Variants in PALM2AKAP2 observed in about 807,000 individuals in gnomAD.
PALM2AKAP2 encodes the protein PALM2 and AKAP2 fusion, also known as PALM2-AKAP2 fusion protein.
Under a neutral mutation model 71.5 loss-of-function variants are expected in PALM2AKAP2, and 37 were observed. That is an observed-to-expected ratio of 0.52 (90% CI 0.40 to 0.68). The LOEUF (loss-of-function observed/expected upper bound fraction) is 0.68, where lower values mean the gene tolerates loss of function less well. PALM2AKAP2 is among the 30% of genes least tolerant of loss of function. The pLI, the probability that PALM2AKAP2 is intolerant of heterozygous loss-of-function variation, is 0.00. For missense variants in PALM2AKAP2, 1,224 were observed against 1,191.8 expected (o/e 1.03, Z -0.40); for synonymous variants, 468 against 478.8 (o/e 0.98, Z 0.29).
chr9:109,677,272 C>A (rs568270095), intron 1 of PALM2AKAP2, among the ~76,000 whole-genome samples: 68 of 152,208 alleles, frequency 4.5e-4, no homozygotes, highest in African/African-American at 1.5e-3. Context: ...TTCACAGGAC[C>A]CAACTTAGAG....
intron 1 of PALM2AKAP2, among the ~76,000 whole-genome samples, chr9:110,116,193 A>C (rs550834910): frequency 6.6e-6 from 1 of 152,348 alleles, no homozygotes; most frequent in Non-Finnish European, 1.5e-5. Context: ...GTGCAGAGTT[A>C]CATTCTGTTC....
intron 6 of PALM2AKAP2, among the ~76,000 whole-genome samples, chr9:109,966,620 C>T (rs1215270853): frequency 6.6e-6 from 1 of 152,214 alleles, no homozygotes; most frequent in Non-Finnish European, 1.5e-5. Flanking sequence ...AGAATATATG[C>T]TTGCTATTTT....
At chr9:110,129,764 A>G (rs1835693742) in intron 1 of PALM2AKAP2, among the ~76,000 whole-genome samples, 1 of 152,054 alleles carries the variant, frequency 6.6e-6, no homozygotes, top group African/African-American at 2.4e-5. Flanking sequence ...TTCTGTTTTA[A>G]CCAATGTGTG....
intron 1 of PALM2AKAP2, among the ~76,000 whole-genome samples, chr9:109,859,751 T>C (rs117745597): frequency 0.013 from 1,973 of 152,316 alleles, 27 homozygotes; most frequent in Middle Eastern, 0.048. Context: ...CTTCACCTGG[T>C]GATGTTGCGG....
chr9:109,908,511 C>T, intron 3 of PALM2AKAP2, among the ~76,000 whole-genome samples: 1 of 152,224 alleles, frequency 6.6e-6, no homozygotes, highest in East Asian at 1.9e-4. Context: ...GTGCGAATAA[C>T]AGTAGTAGAT....
At chr9:109,924,462 C>T (rs1484280000) in intron 4 of PALM2AKAP2, among the ~76,000 whole-genome samples, 15 of 152,004 alleles carry the variant, frequency 9.9e-5, no homozygotes, top group African/African-American at 2.9e-4. Context: ...TAGCCAGGTG[C>T]GGTGGCAGGC....
chr9:109,721,107 A>G (rs896844629), intron 1 of PALM2AKAP2, among the ~76,000 whole-genome samples: 2 of 152,160 alleles, frequency 1.3e-5, no homozygotes, highest in Admixed American at 1.3e-4. Context: ...GCTGTATTTG[A>G]CTTTTATTCA....
At chr9:109,862,873 T>G (rs1463969109) in intron 1 of PALM2AKAP2, 1 of 509,726 alleles carries the variant, frequency 2.0e-6, no homozygotes, top group Non-Finnish European at 3.9e-6. Context: ...AGAACAAAAC[T>G]AAGAGGACAT....
chr9:110,052,319 G>A lies in PALM2AKAP2; in HGVS notation c.156+3464G>A, dbSNP rs377259646. Among the ~76,000 whole-genome samples, 86 of 152,338 alleles carry A rather than the reference G, an allele frequency of 5.6e-4. 1 individual carries two copies. The highest frequency in any genetic ancestry group is 1.9e-3 in the African/African-American group (80 of 41,586). ...TCATTGGCATGAGCCTCACCCAGCA[G>A]CACTTCGGGTAGCTTGGGCCTCAGG... is the stretch of plus-strand genomic sequence containing the variant. On this transcript the variant is annotated intron_variant, in intron 1 of 3. Coordinates refer to ENST00000374525, the Ensembl canonical transcript of PALM2AKAP2.
upstream of PALM2AKAP2, chr9:109,780,258 C>A (rs1829416681): frequency 1.7e-6 from 2 of 1,155,022 alleles, no homozygotes; most frequent in Non-Finnish European, 2.1e-6. Flanking sequence ...CAGTGAGCGG[C>A]GGCGCTGGGG....
chr9:110,137,086 G>A (rs766895225), exon 2 of PALM2AKAP2: 2 of 1,613,268 alleles, frequency 1.2e-6, no homozygotes, highest in East Asian at 2.2e-5. Context: ...TGCAGAAGCA[G>A]TTACAGCAGC....
chr9:110,135,164 A>AAAAAAAAAAAAAAAATATATATATAT, intron 1 of PALM2AKAP2, among the ~76,000 whole-genome samples: 1 of 51,730 alleles, frequency 1.9e-5, no homozygotes, highest in Non-Finnish European at 3.8e-5. Context: ...AAAAAAAAAA[A>AAAAAAAAAAAAAAAATATATATATAT]ATATATAAAT....
chr9:110,136,403 C>T, exon 2 of PALM2AKAP2: 1 of 1,614,220 alleles, frequency 6.2e-7, no homozygotes, highest in Non-Finnish European at 8.5e-7. Context: ...GATCCGCTAT[C>T]TAGATGAGGT....
chr9:109,780,404 C>G (rs987956616), upstream of PALM2AKAP2: 3 of 1,610,648 alleles, frequency 1.9e-6, no homozygotes, highest in African/African-American at 2.7e-5. Context: ...AGCAAAGCCC[C>G]CCGGGGTGCC....
intron 1 of PALM2AKAP2, among the ~76,000 whole-genome samples, chr9:109,693,935 A>G (rs1483127235): frequency 2.0e-5 from 3 of 152,032 alleles, no homozygotes; most frequent in Non-Finnish European, 4.4e-5. Flanking sequence ...CTTTACCACA[A>G]CAGGTTTCCT....
chr9:109,757,082 C>T (rs1009972477), intron 1 of PALM2AKAP2, among the ~76,000 whole-genome samples: 5 of 152,042 alleles, frequency 3.3e-5, no homozygotes, highest in Non-Finnish European at 7.4e-5. Context: ...TGTATGTTTG[C>T]GCCTATTCGC....
chr9:109,991,456 C>T (rs1003717939), intron 6 of PALM2AKAP2, among the ~76,000 whole-genome samples: 1 of 151,908 alleles, frequency 6.6e-6, no homozygotes, highest in Admixed American at 6.6e-5. Flanking sequence ...CTAGGCTGGT[C>T]TAGAACTCCT....
intron 6 of PALM2AKAP2, among the ~76,000 whole-genome samples, chr9:109,958,483 T>C (rs1831789134): frequency 6.6e-6 from 1 of 152,164 alleles, no homozygotes; most frequent in Non-Finnish European, 1.5e-5. Context: ...CCCAACTTGC[T>C]CATCTATAAA....
intron 1 of PALM2AKAP2, among the ~76,000 whole-genome samples, chr9:109,702,824 CTT>C (rs1055642716): frequency 1.4e-5 from 2 of 141,894 alleles, no homozygotes. Context: ...TCTTTTCTTT[CTT>C]TTTTTTTTTT....
Sources: allele counts gnomAD v4.1 joint callset (sites outside exome capture counted in the v4.1 genomes callset), GRCh38; gene constraint gnomAD v4.1.1; transcripts MANE v1.5; gene names NCBI Gene and HGNC (gene_info 2026-07-23, HGNC 2026-07-21).